Variants in CARD8 observed in about 807,000 individuals in gnomAD.
The protein encoded by CARD8 is caspase recruitment domain-containing protein 8.
Under a neutral mutation model 53.2 loss-of-function variants are expected in CARD8, and 38 were observed. That is an observed-to-expected ratio of 0.71 (90% CI 0.55 to 0.94). The LOEUF (loss-of-function observed/expected upper bound fraction) is 0.94, where lower values mean the gene tolerates loss of function less well. Ranked by LOEUF, CARD8 falls within the 40% of genes least tolerant of loss-of-function variation. CARD8 has a pLI of 0.00. For synonymous variants in CARD8, 245 were observed against 244.9 expected, an observed-to-expected ratio of 1.00 and a Z score of 0.00; for missense variants, 561 against 655.5, an observed-to-expected ratio of 0.86 and a Z score of 1.57.
chr19:48,224,105 G>C (rs1040083021), intron 10 of CARD8, among the ~76,000 whole-genome samples: 3 of 152,138 alleles, frequency 2.0e-5, no homozygotes, highest in African/African-American at 7.2e-5. Context: ...GGGATTACAG[G>C]CGCATGCCAG....
chr19:48,214,557 C>T (rs2038793596), intron 13 of CARD8, among the ~76,000 whole-genome samples: 1 of 152,120 alleles, frequency 6.6e-6, no homozygotes, highest in African/African-American at 2.4e-5. Context: ...ACACACTGCG[C>T]ATGCTCCCCT....
chr19:48,240,852 G>A (rs906008945), intron 4 of CARD8, 110 bp downstream of exon 4: 14 of 893,784 alleles, frequency 1.6e-5, no homozygotes, highest in Non-Finnish European at 2.3e-5. Flanking sequence ...TAAAATGTGA[G>A]CAGAACCTTT....
At chr19:48,207,632 T>G (rs1417245645), downstream of CARD8, among the ~76,000 whole-genome samples, 2 of 152,152 alleles carry the variant, frequency 1.3e-5, no homozygotes, top group African/African-American at 4.8e-5. Flanking sequence ...TGTTTACTCA[T>G]GTTGAATCAT....
intron 5 of CARD8, among the ~76,000 whole-genome samples, chr19:48,236,740 T>C (rs1270031710): frequency 6.6e-6 from 1 of 152,192 alleles, no homozygotes; most frequent in Admixed American, 6.5e-5. Flanking sequence ...TTCCTGGTAT[T>C]AGCAATGACT....
intron 1 of CARD8, among the ~76,000 whole-genome samples, chr19:48,254,741 G>C (rs1272769731): frequency 6.6e-6 from 1 of 152,090 alleles, no homozygotes; most frequent in African/African-American, 2.4e-5. Flanking sequence ...CTTATGTTAA[G>C]ATAACCCTGA....
downstream of CARD8, chr19:48,206,275 G>A (rs2037342704): frequency 5.8e-6 from 2 of 343,256 alleles, no homozygotes; most frequent in African/African-American, 4.3e-5. Context: ...GAAACATTAT[G>A]GGAAGTTGTA....
Position 48,208,879 on chromosome 19 carries a change from G to A in CARD8, c.*2831C>T, listed in dbSNP as rs1026351338. 3.3e-5 allele frequency: 5 copies of A among 150,362 alleles called. No homozygotes were observed. The highest frequency in any genetic ancestry group is 1.2e-4 in the African/African-American group (5 of 40,754). 9.3% of individuals were successfully genotyped at this position (150,362 alleles called of 1,614,324 possible). A position where few individuals can be genotyped will look rare whatever the true frequency, so the allele number is the denominator to read the frequency against. Reference sequence around the variant, plus strand: ...TGCACCTGTAGTCCTAGCTACTCAGGAGGCTGAGGCAAGAGAATCGCTTGA... The same window carrying A: ...TGCACCTGTAGTCCTAGCTACTCAGAAGGCTGAGGCAAGAGAATCGCTTGA... On this transcript the variant is annotated 3_prime_UTR_variant, in exon 14 of 14. Coordinates refer to ENST00000651546, the MANE Select transcript of CARD8 (RefSeq NM_001184900.3).
intron 7 of CARD8, chr19:48,232,033 T>C (rs2043002419): frequency 1.6e-6 from 1 of 619,456 alleles, no homozygotes; most frequent in African/African-American, 1.8e-5. Flanking sequence ...CCATAAGACT[T>C]TCTGGGAAGC....
At chr19:48,225,170 G>A (rs764942635) in intron 10 of CARD8, among the ~76,000 whole-genome samples, 7 of 152,214 alleles carry the variant, frequency 4.6e-5, no homozygotes, top group Non-Finnish European at 7.4e-5. Context: ...ACAACAGAGG[G>A]AAAGAAGAGG....
intron 3 of CARD8, among the ~76,000 whole-genome samples, chr19:48,249,089 C>A (rs1301233130): frequency 6.6e-6 from 1 of 151,506 alleles, no homozygotes; most frequent in African/African-American, 2.4e-5. Context: ...CCCAGCTACT[C>A]GGGAGGCTGA....
chr19:48,232,312 C>A, intron 7 of CARD8, 141 bp downstream of exon 7: 1 of 757,608 alleles, frequency 1.3e-6, no homozygotes, highest in Non-Finnish European at 2.2e-6. Flanking sequence ...CCCATTTAAA[C>A]TGCACAGTGC....
In CARD8 at chr19:48,231,813, G is replaced by A; in HGVS notation, c.392-3C>T. The A allele has an allele frequency of 1.2e-6, 2 of 1,613,502 alleles. No homozygotes were observed. The highest frequency in any genetic ancestry group is 1.7e-6 in the Non-Finnish European group (2 of 1,179,662). On this transcript the variant is annotated splice_region_variant and splice_polypyrimidine_tract_variant and intron_variant, in intron 7 of 13. Coordinates refer to ENST00000651546, the MANE Select transcript of CARD8 (RefSeq NM_001184900.3). ...ATTCTCTTCTGAGCAAATGTCTCCTGAAAAGAAAATACTAGACATGTAAGA... is the reference window on the plus strand; with the variant it reads ...ATTCTCTTCTGAGCAAATGTCTCCTAAAAAGAAAATACTAGACATGTAAGA...
rs572037304 is a variant in CARD8, at chr19:48,230,307, G to C, written c.1035+131C>G. 30 of 975,864 alleles carry C rather than the reference G, an allele frequency of 3.1e-5. No homozygotes were observed. The East Asian group carries it at 5.6e-4, about 18-fold the overall frequency. 60.5% of individuals were successfully genotyped at this position (975,864 alleles called of 1,614,324 possible). ...CAGCACCTTGGATGAACCTCAGGAAGGGTGACTCCTGCTTCTGTCCATGAA... is the reference window on the plus strand; with the variant it reads ...CAGCACCTTGGATGAACCTCAGGAACGGTGACTCCTGCTTCTGTCCATGAA... On this transcript the variant is annotated intron_variant, in intron 10 of 13. Transcript: ENST00000651546.
intron 4 of CARD8, among the ~76,000 whole-genome samples, chr19:48,239,797 T>C (rs191813806): frequency 6.6e-6 from 1 of 152,214 alleles, no homozygotes; most frequent in Admixed American, 6.5e-5. Flanking sequence ...TTTTAAAACC[T>C]ATGGACTGAG....
intron 10 of CARD8, among the ~76,000 whole-genome samples, chr19:48,227,931 G>A (rs1208905320): frequency 6.6e-6 from 1 of 151,998 alleles, no homozygotes; most frequent in East Asian, 1.9e-4. Context: ...GAGCTGTTAG[G>A]AATCGGGCTG....
At chr19:48,243,292 C>T (rs1184573645) in intron 3 of CARD8, among the ~76,000 whole-genome samples, 3 of 152,134 alleles carry the variant, frequency 2.0e-5, no homozygotes, top group African/African-American at 4.8e-5. Flanking sequence ...GGATTACAGA[C>T]GTGAGCCATT....
At chr19:48,239,756 G>A (rs1479592389) in intron 4 of CARD8, among the ~76,000 whole-genome samples, 14 of 152,142 alleles carry the variant, frequency 9.2e-5, no homozygotes, top group East Asian at 3.9e-4. Flanking sequence ...GATTACAGGC[G>A]TGAGTCACCA....
chr19:48,203,874 A>C, downstream of CARD8: 1 of 273,814 alleles, frequency 3.7e-6, no homozygotes, highest in South Asian at 3.0e-5. Flanking sequence ...GGCCACCTGT[A>C]TCTCCTGCTG....
intron 5 of CARD8, among the ~76,000 whole-genome samples, chr19:48,235,250 A>C: frequency 6.6e-6 from 1 of 152,090 alleles, no homozygotes; most frequent in East Asian, 1.9e-4. Context: ...ATCAAGATTG[A>C]GGTTAGGAGT....
Sources: gnomAD v4.1 joint callset for allele counts (sites outside exome capture counted in the v4.1 genomes callset) on GRCh38, gnomAD v4.1.1 for gene constraint, MANE v1.5 for transcripts, NCBI Gene and HGNC (gene_info 2026-07-23, HGNC 2026-07-21) for gene names.